The following AP3B2 variants were observed in gnomAD, a reference collection of about 807,000 sequenced individuals.
AP3B2 encodes the protein adaptor related protein complex 3 subunit beta 2.
In AP3B2, 50 loss-of-function variants were observed where a neutral mutation model predicts 126.9. The ratio of observed to expected loss-of-function variants is 0.39; its 90% CI spans 0.31 to 0.50. AP3B2 has a LOEUF of 0.50. Among genes scored for constraint, AP3B2 ranks in the 20% least tolerant of loss-of-function variants. The pLI is 0.79. For synonymous variants in AP3B2, 541 were observed against 565.0 expected (o/e 0.96, Z 0.60); for missense variants, 1,177 against 1,426.4 (o/e 0.83, Z 2.82).
In AP3B2 at chr15:82,664,430, G is replaced by A; in HGVS notation, c.2198C>T (p.Ser733Phe). The change falls in exon 19 of 27, where the codon TCC (serine) becomes TTC (phenylalanine). Residue 733 changes from serine to phenylalanine, a missense_variant. Ser to Phe is a radical substitution (Grantham distance 155). Coordinates refer to ENST00000535359, the MANE Select transcript of AP3B2 (RefSeq NM_001278512.2). This position sits in a 1 kb window ranked among gnomAD's most constrained non-coding sequence, Gnocchi z 4.5. Reference protein sequence around the residue: ...KSSSESGSGESSSESDNEDQD... With the variant: ...KSSSESGSGEFSSESDNEDQD... ...GTCTTCATTGTCGGACTCACTGCTG[G>A]ACTCCCCAGAGCCGCTCTCACTGCT... 6.2e-7 allele frequency: 1 copy of A among 1,613,864 alleles called. No individual in the cohort carries two copies. Among genetic ancestry groups the A allele is most frequent in the Non-Finnish European group, 8.5e-7 (1 of 1,179,850 alleles).
Position 82,680,504 on chromosome 15 carries a change from G to A in AP3B2, c.1023C>T (p.Ala341=), listed in dbSNP as rs752009234. The change falls in exon 8 of 27, where the codon GCC becomes GCT. Residue 341 remains alanine (A), a synonymous_variant. Coordinates refer to ENST00000535359, the MANE Select transcript of AP3B2 (RefSeq NM_001278512.2). The surrounding 1 kb of genome is among the most constrained non-coding windows in gnomAD (Gnocchi z 6.1). ...LAPKAEVGVI[A]KALVRLLRSH... ...TGCGCAGCAGGCGCACCAGCGCCTT[G>A]GCGATGACGCCCACTTCCGCCTTGG... is the stretch of plus-strand genomic sequence containing the variant. 1.8e-5 allele frequency: 27 copies of A among 1,527,846 alleles called. No homozygotes were observed. Among genetic ancestry groups the A allele is most frequent in the Non-Finnish European group, 2.4e-5 (27 of 1,142,272 alleles). The allele number at this position is 1,527,846 out of a possible 1,614,324, so 94.6% of individuals were successfully genotyped here. A position where few individuals can be genotyped will look rare whatever the true frequency, so the allele number is the denominator to read the frequency against.
At chr15:82,691,611 A>T in intron 1 of AP3B2, 1 of 908,986 alleles carries the variant, frequency 1.1e-6, no homozygotes, top group Non-Finnish European at 1.5e-6. Flanking sequence ...TTTAAAAAAA[A>T]AAAATTAAAA....
rs967879075 is a variant in AP3B2, at chr15:82,665,178, AAC to A, written c.2028+67_2028+68del. ...AGAGTATGGGAAGGCCCAGGAGCAC[AAC>A]ACACAGGGGAAGAAGAGGGACACAG... On this transcript the variant is annotated intron_variant, in intron 17 of 26. Coordinates refer to ENST00000535359, the MANE Select transcript of AP3B2 (RefSeq NM_001278512.2). The surrounding 1 kb of genome is among the most constrained non-coding windows in gnomAD (Gnocchi z 4.4). 2 of 1,492,072 alleles carry A rather than the reference AAC, an allele frequency of 1.3e-6. No homozygotes were observed. Among genetic ancestry groups the A allele is most frequent in the African/African-American group, 1.4e-5 (1 of 71,970 alleles). The allele number at this position is 1,492,072 out of a possible 1,614,324, so 92.4% of individuals were successfully genotyped here.
intron 1 of AP3B2, among the ~76,000 whole-genome samples, chr15:82,695,088 T>C (rs1229182883): frequency 5.4e-5 from 6 of 111,440 alleles, no homozygotes; most frequent in Admixed American, 4.3e-4. Flanking sequence ...ACTTTTTTTC[T>C]TTCTTTCTTT....
chr15:82,700,397 C>CTTTTTTTTTTTT lies in AP3B2; in HGVS notation c.113+9185_113+9196dup, dbSNP rs1226910164. On this transcript the variant is annotated intron_variant, in intron 1 of 26. Transcript: ENST00000535359. ...CCACTGGCCTGCCAGTGGTGGGTGG[C>CTTTTTTTTTTTT]TTTTTTTTTTTTTTTTTTCAGATGG... is the stretch of plus-strand genomic sequence containing the variant. Among the ~76,000 whole-genome samples, 74 of 35,094 alleles carry CTTTTTTTTTTTT rather than the reference C, an allele frequency of 2.1e-3. 26 individuals carry two copies. The highest frequency in any genetic ancestry group is 4.7e-3 in the East Asian group (4 of 854). 23.0% of individuals were successfully genotyped at this position (35,094 alleles called of 152,430 possible).
At chr15:82,689,285 C>G in intron 2 of AP3B2, 53 bp from the exon 3 acceptor site, 1 of 1,612,552 alleles carries the variant, frequency 6.2e-7, no homozygotes, top group South Asian at 1.1e-5. Flanking sequence ...AGGCACAGCA[C>G]TAACTAGAGG....
intron 21 of AP3B2, 31 bp from the exon 22 acceptor site, chr15:82,663,264 A>G: frequency 2.6e-6 from 4 of 1,554,938 alleles, no homozygotes; most frequent in Admixed American, 1.7e-5. Context: ...ATGAGGAGGC[A>G]AAGTGGAGGT....
intron 14 of AP3B2, among the ~76,000 whole-genome samples, chr15:82,670,527 A>G (rs980967247): frequency 6.6e-6 from 1 of 152,244 alleles, no homozygotes; most frequent in Non-Finnish European, 1.5e-5. Flanking sequence ...CCAGACCCCT[A>G]TCTCTCACCA....
intron 15 of AP3B2, 34 bp downstream of exon 15, chr15:82,666,713 C>A (rs2048065742): frequency 1.9e-6 from 3 of 1,603,190 alleles, no homozygotes; most frequent in Non-Finnish European, 2.6e-6. Context: ...CTTTCCATTC[C>A]CCTAGGAAGG....
chr15:82,689,833 C>T (rs766560327), intron 1 of AP3B2: 8 of 204,586 alleles, frequency 3.9e-5, no homozygotes, highest in East Asian at 2.4e-4. Context: ...CTGGGTGTGG[C>T]GGCTCACGCC....
Position 82,679,735 on chromosome 15 carries a change from G to T in AP3B2, c.1176C>A (p.Ile392=), listed in dbSNP as rs1427444833. 6.2e-7 allele frequency: 1 copy of T among 1,613,586 alleles called. No homozygotes were observed. Among genetic ancestry groups the T allele is most frequent in the South Asian group, 1.1e-5 (1 of 91,062 alleles). ...IRSTDPTQIK[I]LKLEVLTNLA... ...ACTTCTGTCCCTCACTCACCTTCAG[G>T]ATCTTAATCTGGGTGGGGTCGGTGG... is the stretch of plus-strand genomic sequence containing the variant. Residue 392 remains isoleucine, a synonymous_variant, in exon 10 of 27, where the codon ATC becomes ATA. Transcript: ENST00000535359.
chr15:82,662,966 G>A, intron 22 of AP3B2, 44 bp from the exon 23 acceptor site: 2 of 1,581,916 alleles, frequency 1.3e-6, no homozygotes, highest in Non-Finnish European at 8.6e-7. Flanking sequence ...GCAAGATGGA[G>A]AGAGCCTGTC....
chr15:82,676,346 C>G (rs1671276787), intron 14 of AP3B2, 115 bp downstream of exon 14: 6 of 1,142,476 alleles, frequency 5.3e-6, no homozygotes, highest in Non-Finnish European at 4.9e-6. Flanking sequence ...TTCCCTGATT[C>G]TTCTTTTCCA....
chr15:82,705,248 A>G (rs2048778771), intron 1 of AP3B2, among the ~76,000 whole-genome samples: 1 of 152,174 alleles, frequency 6.6e-6, no homozygotes, highest in Admixed American at 6.5e-5. Context: ...CCCATCCCCC[A>G]GCAGGCTTTA....
intron 1 of AP3B2, among the ~76,000 whole-genome samples, chr15:82,694,047 AG>A (rs1219029547): frequency 6.6e-6 from 1 of 151,522 alleles, no homozygotes; most frequent in African/African-American, 2.4e-5. Context: ...TCTGTTGCCC[AG>A]GCTGGAGTGC....
Position 82,681,033 on chromosome 15 carries a change from AAAGACGAGAGGGTG to A in AP3B2, c.589-28_589-15del, listed in dbSNP as rs749166954. The A allele has an allele frequency of 6.2e-7, 1 of 1,613,670 alleles. No homozygotes were observed. Among genetic ancestry groups the A allele is most frequent in the East Asian group, 2.2e-5 (1 of 44,870 alleles). ...GCCCGCCACCAGCTGGGGAAAGAAC[AAAGACGAGAGGGTG>A]AACGCGAAGGGTGGAAGGCCGGCTG... On this transcript the variant is annotated splice_polypyrimidine_tract_variant and intron_variant, in intron 6 of 26. Coordinates refer to ENST00000535359, the MANE Select transcript of AP3B2 (RefSeq NM_001278512.2). This position sits in a 1 kb window ranked among gnomAD's most constrained non-coding sequence, Gnocchi z 4.0.
chr15:82,670,115 C>A lies in AP3B2; in HGVS notation c.1666-3182G>T, dbSNP rs114314439. Among the ~76,000 whole-genome samples, 18 of 54,524 alleles carry A rather than the reference C, an allele frequency of 3.3e-4. 1 individual carries two copies. Among genetic ancestry groups the A allele is most frequent in the African/African-American group, 1.1e-3 (15 of 13,268 alleles). The allele number at this position is 54,524 out of a possible 152,430, so 35.8% of individuals were successfully genotyped here. A position where few individuals can be genotyped will look rare whatever the true frequency, so the allele number is the denominator to read the frequency against. ...AAATCAGTGGCTTTTTTTTTTTTGG[C>A]GGGGGGGGACGAAGATGAAGTCTCG... On this transcript the variant is annotated intron_variant, in intron 14 of 26. Coordinates refer to ENST00000535359, the MANE Select transcript of AP3B2 (RefSeq NM_001278512.2).
Position 82,680,022 on chromosome 15 carries a change from T to C in AP3B2, c.1110+153A>G, listed in dbSNP as rs1174818427. Among the ~76,000 whole-genome samples the C allele has an allele frequency of 6.6e-6, 1 of 152,088 alleles. No individual in the cohort carries two copies. Among genetic ancestry groups the C allele is most frequent in the Non-Finnish European group, 1.5e-5 (1 of 68,008 alleles). ...CAGGATCCAGGCCCTGCTCCCTATC[T>C]GTATTTGGAGCCTCCCCTGCCCCAT... On this transcript the variant is annotated intron_variant, in intron 9 of 26. Transcript: ENST00000535359. The surrounding 1 kb of genome is among the most constrained non-coding windows in gnomAD (Gnocchi z 6.1).
chr15:82,666,702 C>G (rs759721186), intron 15 of AP3B2, 45 bp downstream of exon 15: 32 of 1,588,682 alleles, frequency 2.0e-5, no homozygotes, highest in Non-Finnish European at 2.7e-5. Context: ...CTGGCCAGTT[C>G]CTTTCCATTC....
Sources: gnomAD v4.1 joint callset for allele counts (sites outside exome capture counted in the v4.1 genomes callset) on GRCh38, gnomAD v4.1.1 for gene constraint, Gnocchi (gnomAD v3.1) non-coding constraint, MANE v1.5 for transcripts, NCBI Gene and HGNC (gene_info 2026-07-23, HGNC 2026-07-21) for gene names.